Variants in PER3 observed in about 807,000 individuals in gnomAD.
The protein encoded by PER3 is period circadian protein homolog 3.
Under a neutral mutation model 127.2 loss-of-function variants are expected in PER3, and 107 were observed. That is an observed-to-expected ratio of 0.84 (90% CI 0.72 to 0.99). The LOEUF (loss-of-function observed/expected upper bound fraction) is 0.99, where lower values mean the gene tolerates loss of function less well. Among genes scored for constraint, PER3 ranks in the 50% least tolerant of loss-of-function variants. PER3 has a pLI of 0.00. For synonymous variants in PER3, 618 were observed against 585.8 expected (o/e 1.05, Z -0.79); for missense variants, 1,560 against 1,525.8 (o/e 1.02, Z -0.37).
chr1:7,803,641 A>G, intron 9 of PER3, 51 bp from the exon 10 acceptor site: 1 of 1,151,210 alleles, frequency 8.7e-7, no homozygotes, highest in Non-Finnish European at 1.3e-6. Flanking sequence ...GACATTTGTA[A>G]TCAGTATCTG....
chr1:7,803,865 T>C lies in PER3; in HGVS notation c.1136+17T>C, dbSNP rs377629053. 136 of 1,600,776 alleles carry C rather than the reference T, an allele frequency of 8.5e-5. No individual in the cohort carries two copies. Among genetic ancestry groups the C allele is most frequent in the Admixed American group, 5.4e-4 (32 of 58,750 alleles). Reference sequence around the variant, plus strand: ...AGTTCGAACGTAAGCCAGTCAGTTTTCATATTTTCTAAAACATCTCTTGTA... The same window carrying C: ...AGTTCGAACGTAAGCCAGTCAGTTTCCATATTTTCTAAAACATCTCTTGTA... On this transcript the variant is annotated intron_variant, in intron 10 of 21. Coordinates refer to ENST00000377532, the MANE Select transcript of PER3 (RefSeq NM_001377275.1).
intron 16 of PER3, among the ~76,000 whole-genome samples, chr1:7,823,749 A>G (rs2097288655): frequency 6.6e-6 from 1 of 152,220 alleles, no homozygotes. Flanking sequence ...AAAAACATAG[A>G]GAAAAAATAA....
At chr1:7,796,255 C>T (rs573295125) in intron 6 of PER3, among the ~76,000 whole-genome samples, 15 of 150,826 alleles carry the variant, frequency 9.9e-5, no homozygotes, top group African/African-American at 3.2e-4. Context: ...GTTATTGCTA[C>T]AGGGTTATCA....
At chr1:7,809,072 C>T (rs1000092711) in intron 11 of PER3, 74 bp downstream of exon 11, 1 of 718,844 alleles carries the variant, frequency 1.4e-6, no homozygotes, top group East Asian at 2.7e-5. Flanking sequence ...ATTCACTTCA[C>T]AAAAATAAAC....
intron 12 of PER3, 39 bp from the exon 13 acceptor site, chr1:7,810,399 A>G (rs558060341): frequency 3.4e-6 from 5 of 1,456,508 alleles, no homozygotes; most frequent in Middle Eastern, 3.6e-4. Flanking sequence ...GGACATTTTT[A>G]TAATTTTTGA....
At chr1:7,803,295 C>G in intron 9 of PER3, 142 bp downstream of exon 9, 1 of 668,406 alleles carries the variant, frequency 1.5e-6, no homozygotes, top group Non-Finnish European at 2.7e-6. Context: ...TCTATTTAAA[C>G]ATACTAAAAC....
intron 19 of PER3, among the ~76,000 whole-genome samples, chr1:7,835,151 C>G (rs1283804145): frequency 2.0e-5 from 3 of 152,158 alleles, no homozygotes; most frequent in African/African-American, 7.2e-5. Context: ...TAGGTTAGTG[C>G]ATGACCAGAG....
At chr1:7,808,844 C>A (rs537683498) in intron 10 of PER3, 49 bp from the exon 11 acceptor site, 2 of 968,724 alleles carry the variant, frequency 2.1e-6, no homozygotes, top group Non-Finnish European at 3.3e-6. Context: ...AAATCACTTT[C>A]GACTTCATTT....
chr1:7,786,636 A>T, intron 3 of PER3, 85 bp from the exon 4 acceptor site: 1 of 744,246 alleles, frequency 1.3e-6, no homozygotes, highest in Non-Finnish European at 2.4e-6. Flanking sequence ...ATCCGAAAAA[A>T]ATAATCCAGC....
At chr1:7,837,645 G>A (rs1015094529) in intron 21 of PER3, among the ~76,000 whole-genome samples, 2 of 152,228 alleles carry the variant, frequency 1.3e-5, no homozygotes, top group African/African-American at 4.8e-5. Flanking sequence ...TGAATAGCCT[G>A]AACAGTAAAG....
chr1:7,791,359 T>A (rs1249402934), intron 5 of PER3, among the ~76,000 whole-genome samples: 1 of 152,256 alleles, frequency 6.6e-6, no homozygotes, highest in Admixed American at 6.5e-5. Context: ...AGCTATGGCC[T>A]GAGCTGTACC....
At chr1:7,841,777 G>A (rs978032784) in intron 21 of PER3, among the ~76,000 whole-genome samples, 1 of 152,176 alleles carries the variant, frequency 6.6e-6, no homozygotes, top group Admixed American at 6.5e-5. Flanking sequence ...CAGGAGCTGG[G>A]CTGGTTATTG....
chr1:7,820,627 A>C lies in PER3; in HGVS notation c.1944A>C (p.Pro648=). The C allele has an allele frequency of 1.2e-6, 2 of 1,610,170 alleles. No homozygotes were observed. Among genetic ancestry groups the C allele is most frequent in the Non-Finnish European group, 1.7e-6 (2 of 1,178,128 alleles). The change falls in exon 16 of 22, where the codon CCA becomes CCC. Residue 648 remains proline, a synonymous_variant. Coordinates refer to ENST00000377532, the MANE Select transcript of PER3 (RefSeq NM_001377275.1). Reference sequence around the variant, plus strand: ...ACAGCAGCACCATTGTCCATGTCCCACCCCCAGAGACAGGTACCACACTCG... The same window carrying C: ...ACAGCAGCACCATTGTCCATGTCCCCCCCCCAGAGACAGGTACCACACTCG... The part of the protein sequence containing the change: ...CGYSSTIVHV[P]PPETARDATL...
intron 10 of PER3, among the ~76,000 whole-genome samples, chr1:7,806,795 TAAAAA>T (rs71567316): frequency 3.9e-4 from 36 of 91,898 alleles, no homozygotes; most frequent in African/African-American, 5.4e-4. Context: ...CCCTGTCTCT[TAAAAA>T]AAAAAAAAAA....
chr1:7,820,803 T>G (rs1225322280), intron 16 of PER3, among the ~76,000 whole-genome samples, 163 bp downstream of exon 16: 1 of 152,268 alleles, frequency 6.6e-6, no homozygotes, highest in Non-Finnish European at 1.5e-5. Flanking sequence ...CATTATCATG[T>G]TTATGTTGGT....
chr1:7,804,436 G>A (rs1427882666), intron 10 of PER3, among the ~76,000 whole-genome samples: 1 of 126,734 alleles, frequency 7.9e-6, no homozygotes, highest in Non-Finnish European at 1.6e-5. Context: ...TTCTCCCTCT[G>A]TTGCCCAGGC....
At chr1:7,838,588 T>TG (rs2097369084) in intron 21 of PER3, among the ~76,000 whole-genome samples, 2 of 152,258 alleles carry the variant, frequency 1.3e-5, no homozygotes, top group South Asian at 2.1e-4. Flanking sequence ...TTTGTAGAAA[T>TG]GGGGTTTCCC....
intron 14 of PER3, 115 bp downstream of exon 14, chr1:7,819,535 T>G: frequency 1.1e-6 from 1 of 893,480 alleles, no homozygotes; most frequent in Non-Finnish European, 1.8e-6. Flanking sequence ...TCACTATAAA[T>G]CAGTAGACGT....
intron 2 of PER3, 49 bp from the exon 3 acceptor site, chr1:7,785,392 A>G: frequency 1.1e-5 from 16 of 1,487,484 alleles, no homozygotes; most frequent in Non-Finnish European, 1.4e-5. Flanking sequence ...AAGCCGCAAG[A>G]TGCTGTTGTC....
Sources: allele counts gnomAD v4.1 joint callset (sites outside exome capture counted in the v4.1 genomes callset), GRCh38; gene constraint gnomAD v4.1.1; transcripts MANE v1.5; gene names NCBI Gene and HGNC (gene_info 2026-07-23, HGNC 2026-07-21).